ZNF486: variants seen among roughly 807,000 people sequenced by gnomAD.
ZNF486 encodes the protein zinc finger protein 486.
Under a neutral mutation model 12.8 loss-of-function variants are expected in ZNF486, and 12 were observed. That is an observed-to-expected ratio of 0.94 (90% CI 0.60 to 1.52). ZNF486 has a LOEUF of 1.52. Among genes scored for constraint, ZNF486 ranks in the 40% most tolerant of loss-of-function variants. ZNF486 has a pLI of 0.00. For synonymous variants in ZNF486, 231 were observed against 184.9 expected (o/e 1.25, Z -2.02); for missense variants, 738 against 545.0 (o/e 1.35, Z -3.53).
chr19:20,188,174 A>C (rs1438365169), intron 3 of ZNF486, among the ~76,000 whole-genome samples: 1 of 152,132 alleles, frequency 6.6e-6, no homozygotes, highest in African/African-American at 2.4e-5. Flanking sequence ...AACTGACCAT[A>C]AACTATCTTG....
intron 3 of ZNF486, among the ~76,000 whole-genome samples, chr19:20,194,600 C>T (rs188415278): frequency 4.3e-4 from 66 of 152,156 alleles, no homozygotes; most frequent in Admixed American, 1.7e-3. Context: ...TGGTGGCGCA[C>T]GCCTGTAATC....
intron 3 of ZNF486, among the ~76,000 whole-genome samples, chr19:20,189,128 G>A (rs1160911073): frequency 1.3e-5 from 2 of 152,088 alleles, no homozygotes; most frequent in Non-Finnish European, 2.9e-5. Context: ...AGGCTGAAGT[G>A]CAGTGGTGTG....
intron 1 of ZNF486, among the ~76,000 whole-genome samples, chr19:20,184,136 TATC>T (rs1321513904): frequency 2.0e-5 from 3 of 152,316 alleles, no homozygotes; most frequent in Non-Finnish European, 2.9e-5. Flanking sequence ...TCTAGAAAAA[TATC>T]ATTATATGAA....
chr19:20,168,631 G>T (rs1321436652), intron 1 of ZNF486, among the ~76,000 whole-genome samples: 2 of 151,036 alleles, frequency 1.3e-5, no homozygotes, highest in African/African-American at 4.9e-5. Flanking sequence ...TCCAGCCTGG[G>T]CAACAACAGC....
rs1483184631 is a variant in ZNF486, at chr19:20,197,302, AC to A, written c.593del (p.Thr198IlefsTer33). On this transcript the variant is annotated frameshift_variant, in exon 4 of 4. Coordinates refer to ENST00000335117, the MANE Select transcript of ZNF486 (RefSeq NM_052852.4). LOFTEE classifies it low-confidence loss of function (END_TRUNC). ...DKAFNQSSTH[T>X]THKKIDTGEK... ...AGCTTTTAACCAGTCCTCAACCCAT[AC>A]TACACATAAAAAAATTGATACTGGA... 2 of 1,612,290 alleles carry A rather than the reference AC, an allele frequency of 1.2e-6. No homozygotes were observed. The highest frequency in any genetic ancestry group is 1.7e-6 in the Non-Finnish European group (2 of 1,179,372).
At chr19:20,170,490 C>G (rs573590052) in intron 1 of ZNF486, among the ~76,000 whole-genome samples, 1 of 151,928 alleles carries the variant, frequency 6.6e-6, no homozygotes, top group East Asian at 2.0e-4. Context: ...TTGCTTGAAC[C>G]TGGGAGGTGA....
chr19:20,187,647 G>C (rs966185239), intron 3 of ZNF486, among the ~76,000 whole-genome samples: 1 of 151,500 alleles, frequency 6.6e-6, no homozygotes, highest in South Asian at 2.1e-4. Flanking sequence ...GACTACAGGC[G>C]CCCACCACCA....
intron 1 of ZNF486, among the ~76,000 whole-genome samples, chr19:20,174,232 T>C (rs1343680150): frequency 2.0e-5 from 3 of 152,132 alleles, no homozygotes; most frequent in African/African-American, 7.2e-5. Context: ...GTACTTATAC[T>C]GCAAAAAGAA....
chr19:20,186,485 T>C (rs934852440), intron 3 of ZNF486, among the ~76,000 whole-genome samples: 23 of 152,168 alleles, frequency 1.5e-4, no homozygotes, highest in African/African-American at 5.5e-4. Flanking sequence ...ACAGTATTAG[T>C]TTTTGTTGCA....
At position 20,167,354 on chromosome 19, in the gene ZNF486, A is replaced by T; in HGVS notation, c.24A>T (p.Leu8=). The T allele has an allele frequency of 6.2e-7, 1 of 1,613,784 alleles. No individual in the cohort carries two copies. ...AGATGCCGGGACCCCTTAGAAGCCTAGAAATGGTGAGAGTGCCCATTGGAC... is the reference window on the plus strand; with the variant it reads ...AGATGCCGGGACCCCTTAGAAGCCTTGAAATGGTGAGAGTGCCCATTGGAC... The part of the protein sequence containing the change: MPGPLRS[L]EMESLQFRDV... The change falls in exon 1 of 4, where the codon CTA becomes CTT. Residue 8 remains leucine (L), a synonymous_variant. Transcript: ENST00000335117.
chr19:20,172,650 T>A (rs1186933932), intron 1 of ZNF486, among the ~76,000 whole-genome samples: 3 of 148,200 alleles, frequency 2.0e-5, no homozygotes, highest in Admixed American at 6.6e-5. Context: ...CTTGTTTAAG[T>A]TCTTTTTTTT....
In ZNF486 at chr19:20,200,302, T is replaced by C. The variant is rs2122696413; in HGVS notation, c.*2200T>C. 6.6e-6 allele frequency: 1 copy of C among 152,238 alleles called. No individual in the cohort carries two copies. Among genetic ancestry groups the C allele is most frequent in the Non-Finnish European group, 1.5e-5 (1 of 68,028 alleles). 9.4% of individuals were successfully genotyped at this position (152,238 alleles called of 1,614,324 possible). A position where few individuals can be genotyped will look rare whatever the true frequency, so the allele number is the denominator to read the frequency against. ...TAAGGACATTAAAATGTAAGATGCA[T>C]GATGAAAATATAAGTGGAGAGGCTC... On this transcript the variant is annotated 3_prime_UTR_variant, in exon 4 of 4. Transcript: ENST00000335117.
chr19:20,168,063 G>A (rs2089604597), intron 1 of ZNF486, among the ~76,000 whole-genome samples: 1 of 150,690 alleles, frequency 6.6e-6, no homozygotes, highest in African/African-American at 2.4e-5. Context: ...CTACGTTGGG[G>A]TTAAAAACCC....
chr19:20,176,051 T>C (rs952697359), intron 1 of ZNF486: 17 of 174,230 alleles, frequency 9.8e-5, no homozygotes, highest in Admixed American at 2.6e-4. Context: ...CGGGCGGAGA[T>C]GCTACTCACT....
rs187287411 is a variant in ZNF486 at position 20,200,010 on chromosome 19, T to A, written c.*1908T>A. On this transcript the variant is annotated 3_prime_UTR_variant, in exon 4 of 4. Coordinates refer to ENST00000335117, the MANE Select transcript of ZNF486 (RefSeq NM_052852.4). ...ATTGGAATTGCTTGAACCTGGGAGGTGGAGGTTGCAGTGAGCCGAGGTTGC... is the reference window on the plus strand; with the variant it reads ...ATTGGAATTGCTTGAACCTGGGAGGAGGAGGTTGCAGTGAGCCGAGGTTGC... The A allele has an allele frequency of 6.6e-6, 1 of 151,278 alleles. No homozygotes were observed. The highest frequency in any genetic ancestry group is 2.0e-4 in the East Asian group (1 of 5,112). 9.4% of individuals were successfully genotyped at this position (151,278 alleles called of 1,614,324 possible). A position where few individuals can be genotyped will look rare whatever the true frequency, so the allele number is the denominator to read the frequency against.
intron 1 of ZNF486, among the ~76,000 whole-genome samples, chr19:20,174,684 T>C (rs1453065597): frequency 6.6e-6 from 1 of 152,218 alleles, no homozygotes; most frequent in African/African-American, 2.4e-5. Context: ...CCATAAACAG[T>C]ATTTTCTAAA....
At position 20,197,857 on chromosome 19, in the gene ZNF486, T is replaced by A; in HGVS notation, c.1147T>A (p.Cys383Ser). 6.2e-7 allele frequency: 1 copy of A among 1,613,426 alleles called. No homozygotes were observed. The highest frequency in any genetic ancestry group is 8.5e-7 in the Non-Finnish European group (1 of 1,179,922). ...AGAGAAACCATACAAATGTGAAGAA[T>A]GTGGCAAAGCCTTTACATGGTCTGC... is the stretch of plus-strand genomic sequence containing the variant. ...TGEKPYKCEE[C>S]GKAFTWSAGL... The change falls in exon 4 of 4, where the codon TGT becomes AGT. Residue 383 changes from cysteine to serine, a missense_variant. Cys to Ser is a moderately radical substitution (Grantham distance 112). Coordinates refer to ENST00000335117, the MANE Select transcript of ZNF486 (RefSeq NM_052852.4).
At position 20,197,975 on chromosome 19, in the gene ZNF486, C is replaced by T. The variant is rs189387855; in HGVS notation, c.1265C>T (p.Thr422Ile). 8.1e-5 allele frequency: 131 copies of T among 1,613,598 alleles called. 1 individual carries two copies. The African/African-American group carries it at 1.3e-3, about 16-fold the overall frequency. The change falls in exon 4 of 4, where the codon ACT becomes ATT. Residue 422 changes from threonine (T) to isoleucine (I), a missense_variant. Thr to Ile is a moderately conservative substitution (Grantham distance 89). Coordinates refer to ENST00000335117, the MANE Select transcript of ZNF486 (RefSeq NM_052852.4). Reference sequence around the variant, plus strand: ...GCGTATACTACATCCTCAAATCTAACTGAACATAAGACAACTCATACTGGA... The same window carrying T: ...GCGTATACTACATCCTCAAATCTAATTGAACATAAGACAACTCATACTGGA... The part of the protein sequence containing the change: ...GKAYTTSSNL[T>I]EHKTTHTGEK...
rs782816430 is a variant in ZNF486 at position 20,199,336 on chromosome 19, G to A, written c.*1234G>A. ...ATCTTATTGCCCGCGTTTTGTATTA[G>A]AAGGAAACCCTAAAGCGGTTGCCAA... is the stretch of plus-strand genomic sequence containing the variant. On this transcript the variant is annotated 3_prime_UTR_variant, in exon 4 of 4. Transcript: ENST00000335117. The A allele has an allele frequency of 6.6e-6, 1 of 152,176 alleles. No individual in the cohort carries two copies. The highest frequency in any genetic ancestry group is 1.5e-5 in the Non-Finnish European group (1 of 68,040). 9.4% of individuals were successfully genotyped at this position (152,176 alleles called of 1,614,324 possible).
Sources: gnomAD v4.1 joint callset for allele counts (sites outside exome capture counted in the v4.1 genomes callset) on GRCh38, gnomAD v4.1.1 for gene constraint, MANE v1.5 for transcripts, NCBI Gene and HGNC (gene_info 2026-07-23, HGNC 2026-07-21) for gene names.